Variants in SRPK2 observed in about 807,000 individuals in gnomAD.
SRPK2 encodes the protein SFRS protein kinase 2.
In SRPK2, 21 loss-of-function variants were observed where a neutral mutation model predicts 90.8. That is an observed-to-expected ratio of 0.23 (90% CI 0.16 to 0.33). The LOEUF (loss-of-function observed/expected upper bound fraction) is 0.33, where lower values mean the gene tolerates loss of function less well. SRPK2 is among the 10% of genes least tolerant of loss of function. SRPK2 has a pLI of 1.00. For synonymous variants in SRPK2, 288 were observed against 311.1 expected (o/e 0.93, Z 0.78); for missense variants, 620 against 869.0 (o/e 0.71, Z 3.60).
At chr7:105,203,830 T>G in intron 2 of SRPK2, 45 bp from the exon 3 acceptor site, 1 of 1,549,336 alleles carries the variant, frequency 6.5e-7, no homozygotes, top group Non-Finnish European at 8.7e-7. Context: ...GAAGTACATC[T>G]TGCATTATGG....
intron 2 of SRPK2, among the ~76,000 whole-genome samples, chr7:105,267,885 A>G (rs1405039000): frequency 6.6e-6 from 1 of 152,150 alleles, no homozygotes; most frequent in Admixed American, 6.6e-5. Flanking sequence ...AGAAAAGATA[A>G]ATCAACATAT....
intron 2 of SRPK2, among the ~76,000 whole-genome samples, chr7:105,245,354 A>G (rs1317800256): frequency 6.6e-6 from 1 of 152,178 alleles, no homozygotes; most frequent in East Asian, 1.9e-4. Context: ...GGCAGAGGGA[A>G]GTACACATTA....
At chr7:105,165,308 G>A (rs1014303375) in intron 6 of SRPK2, among the ~76,000 whole-genome samples, 3 of 152,098 alleles carry the variant, frequency 2.0e-5, no homozygotes, top group African/African-American at 7.2e-5. Flanking sequence ...TCTCAAAAAA[G>A]AAAGGAAAGT....
At chr7:105,158,414 C>G (rs750080722) in intron 7 of SRPK2, among the ~76,000 whole-genome samples, 1 of 152,154 alleles carries the variant, frequency 6.6e-6, no homozygotes, top group East Asian at 1.9e-4. Context: ...GCCACCACGC[C>G]TGGCTAATTT....
At chr7:105,146,696 AAT>A in intron 7 of SRPK2, 38 bp from the exon 8 acceptor site, 1 of 1,586,464 alleles carries the variant, frequency 6.3e-7, no homozygotes, top group East Asian at 2.2e-5. Flanking sequence ...ATAAGCTATT[AAT>A]ATCTCATTAT....
intron 2 of SRPK2, among the ~76,000 whole-genome samples, chr7:105,354,376 C>CT (rs1817554276): frequency 6.6e-6 from 1 of 152,192 alleles, no homozygotes; most frequent in Admixed American, 6.5e-5. Context: ...CTCAGAGATG[C>CT]TTTTTTCCTC....
intron 2 of SRPK2, among the ~76,000 whole-genome samples, chr7:105,351,246 G>C (rs1817139880): frequency 6.6e-6 from 1 of 152,046 alleles, no homozygotes; most frequent in South Asian, 2.1e-4. Flanking sequence ...ACTCTGCAGA[G>C]TCCCCACCAG....
intron 2 of SRPK2, among the ~76,000 whole-genome samples, chr7:105,209,689 A>G (rs1425034202): frequency 6.6e-6 from 1 of 152,076 alleles, no homozygotes; most frequent in Non-Finnish European, 1.5e-5. Flanking sequence ...AGAAAGAAAA[A>G]AGAAAAAGGA....
At chr7:105,166,217 A>G (rs575456149) in intron 6 of SRPK2, among the ~76,000 whole-genome samples, 12 of 152,382 alleles carry the variant, frequency 7.9e-5, no homozygotes, top group Admixed American at 7.8e-4. Context: ...ATGTAAATTG[A>G]GCAAATTAAT....
At chr7:105,337,679 G>A (rs954164589) in intron 2 of SRPK2, among the ~76,000 whole-genome samples, 1 of 152,026 alleles carries the variant, frequency 6.6e-6, no homozygotes, top group South Asian at 2.1e-4. Flanking sequence ...TAAGCGCGAT[G>A]GCACAGTGAG....
chr7:105,241,688 C>T (rs761591296), intron 2 of SRPK2, among the ~76,000 whole-genome samples: 2 of 152,132 alleles, frequency 1.3e-5, no homozygotes, highest in African/African-American at 2.4e-5. Flanking sequence ...TCTATCATCA[C>T]GCAACAATCT....
intron 2 of SRPK2, among the ~76,000 whole-genome samples, chr7:105,279,243 A>T (rs1318328389): frequency 6.6e-6 from 1 of 152,168 alleles, no homozygotes; most frequent in Admixed American, 6.5e-5. Flanking sequence ...CGCAGGCAGA[A>T]GAGAATGAAG....
chr7:105,294,976 C>T (rs1424231385), intron 2 of SRPK2, among the ~76,000 whole-genome samples: 3 of 151,982 alleles, frequency 2.0e-5, no homozygotes, highest in Middle Eastern at 3.2e-3. Flanking sequence ...TTTGGGAAAC[C>T]GAGGCAGGTG....
rs577773149 is a variant in SRPK2, at chr7:105,168,613, G to T, written c.339-518C>A. On this transcript the variant is annotated intron_variant, in intron 4 of 15. Coordinates refer to ENST00000393651, the MANE Select transcript of SRPK2 (RefSeq NM_182692.3). The stretch of plus-strand genomic sequence containing the variant: ...GACAATCTCTTTTATGTTTTGTTTT[G>T]TTTTTTCCCTAATTAAAATAAGACT... Among the ~76,000 whole-genome samples the T allele has an allele frequency of 3.2e-4, 49 of 151,850 alleles. 1 individual carries two copies. The highest frequency in any genetic ancestry group is 1.0e-3 in the African/African-American group (42 of 41,424).
upstream of SRPK2, among the ~76,000 whole-genome samples, chr7:105,394,383 C>T (rs921848017): frequency 3.3e-5 from 5 of 152,036 alleles, no homozygotes; most frequent in African/African-American, 4.8e-5. Flanking sequence ...CCTCATGATC[C>T]GCCCGCCTCG....
chr7:105,232,458 T>TAAAAAAAAAAAAAAAAAAAAAAAAAAAA (rs10533429), intron 2 of SRPK2, among the ~76,000 whole-genome samples: 2 of 132,100 alleles, frequency 1.5e-5, no homozygotes, highest in Middle Eastern at 3.9e-3. Context: ...AAACCTTATC[T>TAAAAAAAAAAAAAAAAAAAAAAAAAAAA]AAAAAAAAAA....
At chr7:105,265,861 A>G (rs1053269152) in intron 2 of SRPK2, among the ~76,000 whole-genome samples, 3 of 151,876 alleles carry the variant, frequency 2.0e-5, no homozygotes, top group Admixed American at 6.6e-5. Flanking sequence ...ATCATTAGGC[A>G]TTTTTTTTAA....
intron 7 of SRPK2, among the ~76,000 whole-genome samples, chr7:105,154,586 C>T (rs570280976): frequency 1.4e-4 from 21 of 152,250 alleles, no homozygotes; most frequent in African/African-American, 4.6e-4. Flanking sequence ...TAGAGGGTTG[C>T]ACCCCAAAGG....
chr7:105,371,586 CAAA>C (rs66731193), intron 2 of SRPK2, among the ~76,000 whole-genome samples: 1 of 106,716 alleles, frequency 9.4e-6, no homozygotes, highest in Non-Finnish European at 1.7e-5. Context: ...CCCATCTCTA[CAAA>C]AAAAAAAAAA....
Sources: gnomAD v4.1 joint callset for allele counts (sites outside exome capture counted in the v4.1 genomes callset) on GRCh38, gnomAD v4.1.1 for gene constraint, MANE v1.5 for transcripts, NCBI Gene and HGNC (gene_info 2026-07-23, HGNC 2026-07-21) for gene names.